SEMA3A: variants seen among roughly 807,000 people sequenced by gnomAD.
The protein encoded by SEMA3A is semaphorin 3A.
A neutral mutation model predicts 97.9 loss-of-function variants in SEMA3A; 29 were observed. That is an observed-to-expected ratio of 0.30 (90% CI 0.22 to 0.40). The LOEUF (loss-of-function observed/expected upper bound fraction) is 0.40. Ranked by LOEUF, SEMA3A falls within the 10% of genes least tolerant of loss-of-function variation. The pLI, the probability that SEMA3A is intolerant of heterozygous loss-of-function variation, is 1.00. For synonymous variants in SEMA3A, 321 were observed against 323.7 expected, an observed-to-expected ratio of 0.99 and a Z score of 0.09; for missense variants, 763 against 951.3, an observed-to-expected ratio of 0.80 and a Z score of 2.60.
intron 2 of SEMA3A, among the ~76,000 whole-genome samples, chr7:84,343,452 A>C (rs1243444396): frequency 6.6e-6 from 1 of 152,224 alleles, no homozygotes; most frequent in Admixed American, 6.5e-5. Flanking sequence ...ACTGCATTAA[A>C]TTGCATATAA....
chr7:84,001,777 T>G (rs534838032), intron 12 of SEMA3A, among the ~76,000 whole-genome samples, 178 bp downstream of exon 12: 34 of 152,328 alleles, frequency 2.2e-4, no homozygotes, highest in Middle Eastern at 3.4e-3. Flanking sequence ...TCTTTAGATT[T>G]AACTAGCATT....
At chr7:84,367,457 A>G (rs1802875255) in intron 2 of SEMA3A, among the ~76,000 whole-genome samples, 3 of 151,198 alleles carry the variant, frequency 2.0e-5, no homozygotes. Context: ...CCGCTTCTTA[A>G]GAAAAAAATC....
Position 83,978,419 on chromosome 7 carries a change from G to A in SEMA3A, c.1653-1223C>T, listed in dbSNP as rs560829496. On this transcript the variant is annotated intron_variant, in intron 14 of 16. Coordinates refer to ENST00000265362, the MANE Select transcript of SEMA3A (RefSeq NM_006080.3). ...GGAGGAGGTAGGCTGTAGTCACTGC[G>A]GTGCAACAAAGATGTGAAGTTCCAG... Among the ~76,000 whole-genome samples the A allele has an allele frequency of 6.6e-5, 10 of 152,168 alleles. 1 individual carries two copies. The South Asian group carries it at 8.3e-4, about 13-fold the overall frequency.
rs575543335 is a variant in SEMA3A, at chr7:83,962,620, C to T, written c.1860+585G>A. Among the ~76,000 whole-genome samples, 65 of 152,176 alleles carry T rather than the reference C, an allele frequency of 4.3e-4. 1 individual carries two copies. The East Asian group carries it at 6.9e-3, about 16-fold the overall frequency. ...AGGCTGTTAAAAAGTTTTAAAGGCT[C>T]GTAGTGCTCACTAAGATTTTCTGTA... On this transcript the variant is annotated intron_variant, in intron 16 of 16. Coordinates refer to ENST00000265362, the MANE Select transcript of SEMA3A (RefSeq NM_006080.3).
intron 1 of SEMA3A, among the ~76,000 whole-genome samples, chr7:84,463,579 A>T (rs1328899413): frequency 2.6e-5 from 4 of 152,036 alleles, no homozygotes; most frequent in African/African-American, 9.7e-5. Context: ...TTGAAAGCTT[A>T]GGCTCCATTG....
intron 1 of SEMA3A, among the ~76,000 whole-genome samples, chr7:84,430,461 A>G (rs912851806): frequency 6.6e-6 from 1 of 152,030 alleles, no homozygotes. Flanking sequence ...GTTAAAGAAT[A>G]AAGATAGGTA....
intron 3 of SEMA3A, among the ~76,000 whole-genome samples, chr7:84,212,087 T>C (rs996539325): frequency 2.0e-5 from 3 of 152,036 alleles, no homozygotes; most frequent in East Asian, 1.9e-4. Flanking sequence ...AGGAGTTAGG[T>C]GGAAATCATA....
chr7:83,999,728 G>A (rs1283233441), intron 12 of SEMA3A, among the ~76,000 whole-genome samples: 2 of 151,980 alleles, frequency 1.3e-5, no homozygotes, highest in Non-Finnish European at 2.9e-5. Flanking sequence ...AATATGCAAA[G>A]GAACCATGAC....
intron 1 of SEMA3A, among the ~76,000 whole-genome samples, chr7:84,463,484 G>A (rs564121301): frequency 6.3e-4 from 96 of 152,076 alleles, no homozygotes; most frequent in African/African-American, 2.1e-3. Context: ...TCCTAACCTC[G>A]TGATCCGCCC....
chr7:84,289,783 G>T (rs181009376), intron 3 of SEMA3A, among the ~76,000 whole-genome samples: 2 of 152,020 alleles, frequency 1.3e-5, no homozygotes, highest in Admixed American at 6.6e-5. Context: ...ATGTACCAAC[G>T]ACAAATGAAA....
chr7:83,956,559 T>C lies in SEMA3A; in HGVS notation c.*4812A>G, dbSNP rs1220036316. On this transcript the variant is annotated 3_prime_UTR_variant, in exon 17 of 17. Coordinates refer to ENST00000265362, the MANE Select transcript of SEMA3A (RefSeq NM_006080.3). ...AACATTAAGAAGGAAGGTAAAGAGA[T>C]TGTGGGGTGGAAGTGTAGGAGGCTG... The C allele has an allele frequency of 6.6e-6, 1 of 151,974 alleles. No homozygotes were observed. The highest frequency in any genetic ancestry group is 1.5e-5 in the Non-Finnish European group (1 of 68,008). 9.4% of individuals were successfully genotyped at this position (151,974 alleles called of 1,614,324 possible). A position where few individuals can be genotyped will look rare whatever the true frequency, so the allele number is the denominator to read the frequency against.
At chr7:84,345,012 A>C (rs1802262176) in intron 2 of SEMA3A, among the ~76,000 whole-genome samples, 1 of 152,218 alleles carries the variant, frequency 6.6e-6, no homozygotes, top group Non-Finnish European at 1.5e-5. Context: ...CAGTGTCTAA[A>C]ATATTTAAAT....
intron 2 of SEMA3A, among the ~76,000 whole-genome samples, chr7:84,330,327 G>A (rs1384460142): frequency 6.6e-6 from 1 of 151,948 alleles, no homozygotes; most frequent in Non-Finnish European, 1.5e-5. Context: ...CAAAAATAAA[G>A]TATGGGTGAG....
At chr7:83,977,734 C>CTATT (rs1789211050) in intron 14 of SEMA3A, among the ~76,000 whole-genome samples, 1 of 149,640 alleles carries the variant, frequency 6.7e-6, no homozygotes, top group African/African-American at 2.5e-5. Context: ...ACTAGAAATT[C>CTATT]TATTTTTAAG....
At chr7:84,094,075 C>A (rs1794674755) in intron 4 of SEMA3A, among the ~76,000 whole-genome samples, 1 of 152,026 alleles carries the variant, frequency 6.6e-6, no homozygotes, top group African/African-American at 2.4e-5. Flanking sequence ...TTTGTTCTGG[C>A]TTTGATGTGG....
intron 1 of SEMA3A, among the ~76,000 whole-genome samples, chr7:84,411,161 T>C (rs147812358): frequency 7.9e-5 from 12 of 152,068 alleles, no homozygotes; most frequent in African/African-American, 2.4e-4. Flanking sequence ...GGTAGAGAGA[T>C]AGCATTCTTC....
intron 3 of SEMA3A, among the ~76,000 whole-genome samples, chr7:84,263,200 A>G (rs184901847): frequency 9.3e-5 from 14 of 151,346 alleles, no homozygotes; most frequent in African/African-American, 3.4e-4. Flanking sequence ...TCTAAAATAC[A>G]TTGCATTTTG....
chr7:84,374,909 A>T (rs1431184915), intron 1 of SEMA3A, among the ~76,000 whole-genome samples: 2 of 152,218 alleles, frequency 1.3e-5, no homozygotes, highest in Non-Finnish European at 2.9e-5. Context: ...CATGTGACAG[A>T]ACCCTGTGCA....
chr7:84,313,356 GTATATATA>G (rs869145201), intron 2 of SEMA3A, among the ~76,000 whole-genome samples: 1,074 of 22,690 alleles, frequency 0.047, 7 homozygotes, highest in Non-Finnish European at 0.064. Flanking sequence ...ATGTGTGTGT[GTATATATA>G]TATATATATA....
Sources: gnomAD v4.1 joint callset for allele counts (sites outside exome capture counted in the v4.1 genomes callset) on GRCh38, gnomAD v4.1.1 for gene constraint, MANE v1.5 for transcripts, NCBI Gene and HGNC (gene_info 2026-07-23, HGNC 2026-07-21) for gene names.